CIROZ: variants seen among roughly 807,000 people sequenced by gnomAD.
CIROZ encodes the protein ciliated left-right organizer ZP-N domains-containing protein.
chr1:10,951,729 T>TAAA, the CIROZ span, among the ~76,000 whole-genome samples: 122 of 110,138 alleles, frequency 1.1e-3, 1 homozygote, highest in African/African-American at 4.0e-3. Context: ...TGTCTCTTAT[T>TAAA]TAAAAAAAAA....
the CIROZ span, among the ~76,000 whole-genome samples, chr1:10,962,918 G>C: frequency 6.6e-6 from 1 of 152,100 alleles, no homozygotes; most frequent in African/African-American, 2.4e-5. Context: ...CCAGGAGTTT[G>C]AGACCAGCCT....
the CIROZ span, chr1:10,981,874 C>T: frequency 1.9e-6 from 2 of 1,056,280 alleles, no homozygotes; most frequent in Non-Finnish European, 1.4e-6. Flanking sequence ...TGCATCTGGG[C>T]CCCTCACCCA....
At chr1:10,957,429 G>A in the CIROZ span, among the ~76,000 whole-genome samples, 2 of 152,260 alleles carry the variant, frequency 1.3e-5, no homozygotes, top group Non-Finnish European at 2.9e-5. Context: ...GATTGCAGGA[G>A]CCCCTCATCT....
chr1:10,966,171 T>C, the CIROZ span, among the ~76,000 whole-genome samples: 1 of 152,130 alleles, frequency 6.6e-6, no homozygotes, highest in African/African-American at 2.4e-5. Flanking sequence ...GGAGGCAGCA[T>C]CTGAGCTGGG....
chr1:10,970,495 G>A, the CIROZ span, among the ~76,000 whole-genome samples: 3 of 152,116 alleles, frequency 2.0e-5, no homozygotes, highest in African/African-American at 7.2e-5. Flanking sequence ...CAGGCGTGGT[G>A]GCGCATGCCT....
chr1:10,979,134 G>A, the CIROZ span, among the ~76,000 whole-genome samples: 1 of 152,070 alleles, frequency 6.6e-6, no homozygotes, highest in Non-Finnish European at 1.5e-5. Flanking sequence ...TAGGATTACA[G>A]GCGTGTGCCA....
At chr1:10,949,518 G>T in the CIROZ span, 1 of 1,225,542 alleles carries the variant, frequency 8.2e-7, no homozygotes, top group South Asian at 1.3e-5. Context: ...TTGGAAGAAT[G>T]GTGGTGAAAG....
the CIROZ span, among the ~76,000 whole-genome samples, chr1:10,952,125 C>T: frequency 3.3e-5 from 5 of 152,000 alleles, no homozygotes; most frequent in Non-Finnish European, 7.4e-5. Flanking sequence ...GGACACAGCC[C>T]CTGATCTGAA....
chr1:10,981,787 T>A, the CIROZ span, among the ~76,000 whole-genome samples: 1 of 152,178 alleles, frequency 6.6e-6, no homozygotes. Flanking sequence ...GAACAAGGGA[T>A]GACAGGAGCA....
At chr1:10,966,985 C>T in the CIROZ span, among the ~76,000 whole-genome samples, 1 of 151,888 alleles carries the variant, frequency 6.6e-6, no homozygotes, top group South Asian at 2.1e-4. Flanking sequence ...CCCATCTCTA[C>T]TAAAAATACA....
At chr1:10,949,862 T>C in the CIROZ span, 2 of 1,466,604 alleles carry the variant, frequency 1.4e-6, no homozygotes, top group African/African-American at 2.8e-5. Context: ...GGAAGCAAAA[T>C]CCTCCCAACA....
the CIROZ span, among the ~76,000 whole-genome samples, chr1:10,977,363 ATCC>A: frequency 0.044 from 6,757 of 152,004 alleles, 519 homozygotes; most frequent in African/African-American, 0.15. Flanking sequence ...TGCGCCTGTA[ATCC>A]CAGCTACTCG....
At chr1:10,949,785 C>A in the CIROZ span, 2 of 1,572,986 alleles carry the variant, frequency 1.3e-6, no homozygotes, top group Non-Finnish European at 1.7e-6. Context: ...CTCAGTGCAG[C>A]AGTTGAGGCA....
the CIROZ span, among the ~76,000 whole-genome samples, chr1:10,958,312 G>A: frequency 7.2e-5 from 11 of 152,288 alleles, no homozygotes; most frequent in Admixed American, 1.3e-4. Context: ...GGGAGGCTGC[G>A]GGAAACACTC....
chr1:10,958,001 G>C, the CIROZ span, among the ~76,000 whole-genome samples: 9 of 152,226 alleles, frequency 5.9e-5, no homozygotes, highest in African/African-American at 9.6e-5. Context: ...CAACGCAACT[G>C]AAAGAACGAA....
the CIROZ span, among the ~76,000 whole-genome samples, chr1:10,979,789 T>A: frequency 6.6e-6 from 1 of 152,356 alleles, no homozygotes; most frequent in African/African-American, 2.4e-5. Context: ...GGCTCACGCC[T>A]GTAATCCCAG....
the CIROZ span, among the ~76,000 whole-genome samples, chr1:10,968,012 G>A: frequency 8.7e-3 from 1,315 of 151,474 alleles, 23 homozygotes; most frequent in African/African-American, 0.031. Context: ...ACAAAAATTC[G>A]TTCGGCGCGG....
chr1:10,966,285 T>C, the CIROZ span: 1 of 1,432,942 alleles, frequency 7.0e-7, no homozygotes, highest in South Asian at 1.5e-5. Flanking sequence ...TCTCCTTACT[T>C]GATATCTGAG....
At chr1:10,956,237 C>T in the CIROZ span, among the ~76,000 whole-genome samples, 6 of 152,140 alleles carry the variant, frequency 3.9e-5, no homozygotes, top group Admixed American at 3.3e-4. Flanking sequence ...TTCCAGATTC[C>T]GGACCTCTTT....
Sources: gnomAD v4.1 joint callset for allele counts (sites outside exome capture counted in the v4.1 genomes callset) on GRCh38, gnomAD v4.1.1 for gene constraint, MANE v1.5 for transcripts, NCBI Gene and HGNC (gene_info 2026-07-23, HGNC 2026-07-21) for gene names.